HRG: variants seen among roughly 807,000 people sequenced by gnomAD.
The protein encoded by HRG is histidine-rich glycoprotein.
In HRG, 26 loss-of-function variants were observed where a neutral mutation model predicts 29.5. The observed-to-expected ratio is 0.88, with a 90% CI of 0.65 to 1.22. The LOEUF (loss-of-function observed/expected upper bound fraction) is 1.22, where lower values mean the gene tolerates loss of function less well. HRG is among the 50% of genes most tolerant of loss of function. HRG has a pLI of 0.00. For synonymous variants in HRG, 243 were observed against 240.4 expected (o/e 1.01, Z -0.10); for missense variants, 671 against 654.5 (o/e 1.03, Z -0.28).
chr3:186,671,724 T>C lies in HRG; in HGVS notation c.493T>C (p.Tyr165His). Residue 165 changes from tyrosine (Y) to histidine (H), a missense_variant, in exon 4 of 7, where the codon TAC (tyrosine) becomes CAC (histidine). Physicochemically the swap from Tyr to His is moderately conservative, Grantham distance 83. Coordinates refer to ENST00000232003, the MANE Select transcript of HRG (RefSeq NM_000412.5). Reference protein sequence around the residue: ...RKQANKALEKYKEENDDFASF... With the variant: ...RKQANKALEKHKEENDDFASF... ...ACAAGCCAACAAAGCCCTTGAGAAG[T>C]ACAAAGAGGAGAATGATGACTTTGC... is the stretch of plus-strand genomic sequence containing the variant. 6.2e-6 allele frequency: 10 copies of C among 1,613,766 alleles called. No homozygotes were observed. The highest frequency in any genetic ancestry group is 8.5e-6 in the Non-Finnish European group (10 of 1,179,856).
At chr3:186,667,621 G>A (rs958608439) in intron 1 of HRG, among the ~76,000 whole-genome samples, 8 of 152,080 alleles carry the variant, frequency 5.3e-5, no homozygotes, top group African/African-American at 1.9e-4. Context: ...GGCTTCTGCT[G>A]TGTAATGATG....
At chr3:186,666,292 T>C (rs2108570502) in intron 1 of HRG, 78 bp downstream of exon 1, 1 of 1,433,578 alleles carries the variant, frequency 7.0e-7, no homozygotes, top group East Asian at 2.3e-5. Flanking sequence ...CTAGGCTTAC[T>C]GCTTTGCACA....
chr3:186,677,297 C>G lies in HRG; in HGVS notation c.992C>G (p.Thr331Ser), dbSNP rs1448398059. Residue 331 changes from threonine (T) to serine (S), a missense_variant, in exon 7 of 7, where the codon ACT becomes AGT. Coordinates refer to ENST00000232003, the MANE Select transcript of HRG (RefSeq NM_000412.5). ...PMSCSSCQHA[T>S]FGTNGAQRHS... Reference sequence around the variant, plus strand: ...TCCTGCTCAAGTTGTCAACATGCCACTTTTGGCACAAATGGGGCCCAAAGA... The same window carrying G: ...TCCTGCTCAAGTTGTCAACATGCCAGTTTTGGCACAAATGGGGCCCAAAGA... The G allele has an allele frequency of 4.3e-6, 7 of 1,614,140 alleles. No homozygotes were observed. The highest frequency in any genetic ancestry group is 1.7e-5 in the Admixed American group (1 of 60,018).
chr3:186,669,567 T>C, intron 2 of HRG: 1 of 366,366 alleles, frequency 2.7e-6, no homozygotes, highest in Non-Finnish European at 5.2e-6. Context: ...GGTATTGACA[T>C]GCCAGGCTCT....
Position 186,677,229 on chromosome 3 carries a change from T to C in HRG, c.924T>C (p.His308=). 4 of 1,614,074 alleles carry C rather than the reference T, an allele frequency of 2.5e-6. No homozygotes were observed. Among genetic ancestry groups the C allele is most frequent in the Non-Finnish European group, 3.4e-6 (4 of 1,180,014 alleles). The change falls in exon 7 of 7, where the codon CAT becomes CAC. Residue 308 remains histidine, a synonymous_variant. Coordinates refer to ENST00000232003, the MANE Select transcript of HRG (RefSeq NM_000412.5). ...PPPPDERDHS[H]GPPLPQGPPP... is the part of the protein sequence containing the mutation. ...CTCCAGATGAAAGAGATCACTCACA[T>C]GGACCCCCACTTCCACAAGGCCCTC... is the stretch of plus-strand genomic sequence containing the variant.
chr3:186,672,885 C>G lies in HRG; in HGVS notation c.639+18C>G. 6.6e-7 allele frequency: 1 copy of G among 1,512,970 alleles called. No homozygotes were observed. The highest frequency in any genetic ancestry group is 9.2e-7 in the Non-Finnish European group (1 of 1,089,072). 93.7% of individuals were successfully genotyped at this position (1,512,970 alleles called of 1,614,324 possible). ...ACCCCAATGTGAGTATAAGAAATGT[C>G]TGTGATCGTTGACTAGAGTCACAGA... is the stretch of plus-strand genomic sequence containing the variant. On this transcript the variant is annotated intron_variant, in intron 5 of 6. Coordinates refer to ENST00000232003, the MANE Select transcript of HRG (RefSeq NM_000412.5).
At chr3:186,666,923 A>AT (rs1718629908) in intron 1 of HRG, 1 of 149,088 alleles carries the variant, frequency 6.7e-6, no homozygotes, top group Non-Finnish European at 1.5e-5. Context: ...AAAAAAAAAA[A>AT]AGAAGAAGAA....
chr3:186,669,975 C>T lies in HRG; in HGVS notation c.338C>T (p.Ser113Phe), dbSNP rs2108574588. The change falls in exon 3 of 7, where the codon TCC becomes TTC. Residue 113 changes from serine to phenylalanine, a missense_variant. Ser to Phe is a radical substitution (Grantham distance 155). Coordinates refer to ENST00000232003, the MANE Select transcript of HRG (RefSeq NM_000412.5). The stretch of plus-strand genomic sequence containing the variant: ...TGTAAGGTAATAGCTACAAGACATT[C>T]CCATGAATCTCAGGACCTCAGAGTG... ...GQCKVIATRH[S>F]HESQDLRVID... is the part of the protein sequence containing the mutation. 2 of 1,601,378 alleles carry T rather than the reference C, an allele frequency of 1.2e-6. No individual in the cohort carries two copies. The highest frequency in any genetic ancestry group is 1.7e-6 in the Non-Finnish European group (2 of 1,170,182).
rs1015656776 is a variant in HRG at position 186,668,979 on chromosome 3, G to A, written c.228G>A (p.Ser76=). 3.8e-5 allele frequency: 62 copies of A among 1,612,232 alleles called. No homozygotes were observed. The highest frequency in any genetic ancestry group is 1.6e-4 in the Middle Eastern group (1 of 6,082). Residue 76 remains serine (S), a synonymous_variant, in exon 2 of 7, where the codon TCG becomes TCA. Transcript: ENST00000232003. ...ACTTAGTCTTAGATGTGCAAGAATC[G>A]GACTGTTCGGTCCTATCCAGGAAAT... is the stretch of plus-strand genomic sequence containing the variant. ...VYYLVLDVQE[S]DCSVLSRKYW...
chr3:186,677,224 T>C lies in HRG; in HGVS notation c.919T>C (p.Ser307Pro). 6.2e-7 allele frequency: 1 copy of C among 1,613,936 alleles called. No individual in the cohort carries two copies. Among genetic ancestry groups the C allele is most frequent in the South Asian group, 1.1e-5 (1 of 91,062 alleles). The change falls in exon 7 of 7, where the codon TCA becomes CCA. Residue 307 changes from serine (S) to proline (P), a missense_variant. By Grantham distance (74) the Ser-to-Pro change is moderately conservative. Coordinates refer to ENST00000232003, the MANE Select transcript of HRG (RefSeq NM_000412.5). ...ACCTCCTCCAGATGAAAGAGATCACTCACATGGACCCCCACTTCCACAAGG... is the reference window on the plus strand; with the variant it reads ...ACCTCCTCCAGATGAAAGAGATCACCCACATGGACCCCCACTTCCACAAGG... ...PPPPPDERDH[S>P]HGPPLPQGPP... is the part of the protein sequence containing the mutation.
rs943877554 is a variant in HRG at position 186,668,748 on chromosome 3, T to C, written c.184-187T>C. ...ACAAATCAGGACCACTTAAAAAGAT[T>C]TGGAAATAACTCATTGAAGCTATGT... On this transcript the variant is annotated intron_variant, in intron 1 of 6. Coordinates refer to ENST00000232003, the MANE Select transcript of HRG (RefSeq NM_000412.5). 10 of 579,202 alleles carry C rather than the reference T, an allele frequency of 1.7e-5. No individual in the cohort carries two copies. In the South Asian group the frequency reaches 2.1e-4, roughly 12 times the overall value. The allele number at this position is 579,202 out of a possible 1,614,324, so 35.9% of individuals were successfully genotyped here. A position where few individuals can be genotyped will look rare whatever the true frequency, so the allele number is the denominator to read the frequency against.
At chr3:186,669,209 G>A (rs577240897) in intron 2 of HRG, among the ~76,000 whole-genome samples, 158 bp downstream of exon 2, 1 of 152,236 alleles carries the variant, frequency 6.6e-6, no homozygotes. Context: ...ATACTCTTGA[G>A]AGTCTTTCCT....
chr3:186,677,305 A>G lies in HRG; in HGVS notation c.1000A>G (p.Thr334Ala), dbSNP rs1026472093. 4 of 1,614,136 alleles carry G rather than the reference A, an allele frequency of 2.5e-6. No individual in the cohort carries two copies. Among genetic ancestry groups the G allele is most frequent in the Non-Finnish European group, 3.4e-6 (4 of 1,180,022 alleles). Residue 334 changes from threonine to alanine, a missense_variant, in exon 7 of 7, where the codon ACA becomes GCA. Transcript: ENST00000232003. ...CSSCQHATFG[T>A]NGAQRHSHNN... is the part of the protein sequence containing the mutation. ...AAGTTGTCAACATGCCACTTTTGGC[A>G]CAAATGGGGCCCAAAGACATTCTCA...
At chr3:186,669,601 G>A in intron 2 of HRG, 1 of 388,604 alleles carries the variant, frequency 2.6e-6, no homozygotes, top group East Asian at 6.2e-5. Flanking sequence ...AGAACATGAA[G>A]ATGAATAAGC....
In HRG at chr3:186,677,518, C is replaced by A; in HGVS notation, c.1213C>A (p.His405Asn). ...CCATGGACACCATCCCCATGGACACCATCCCCACTGCCATGATTTCCAAGA... is the reference window on the plus strand; with the variant it reads ...CCATGGACACCATCCCCATGGACACAATCCCCACTGCCATGATTTCCAAGA... ...HPHGHHPHGH[H>N]PHCHDFQDYG... Residue 405 changes from histidine to asparagine, a missense_variant, in exon 7 of 7, where the codon CAT becomes AAT. Transcript: ENST00000232003. 6.2e-7 allele frequency: 1 copy of A among 1,608,864 alleles called. No homozygotes were observed. The highest frequency in any genetic ancestry group is 2.2e-5 in the East Asian group (1 of 44,578).
At chr3:186,666,238 C>G (rs1718606855) in intron 1 of HRG, 24 bp downstream of exon 1, 3 of 1,611,932 alleles carry the variant, frequency 1.9e-6, no homozygotes, top group Admixed American at 3.3e-5. Context: ...AATGGCAGAG[C>G]TGAGTTGGGA....
At chr3:186,668,898 C>A in intron 1 of HRG, 37 bp from the exon 2 acceptor site, 1 of 1,115,778 alleles carries the variant, frequency 9.0e-7, no homozygotes, top group Non-Finnish European at 1.4e-6. Context: ...GCTAGGTTTC[C>A]ATGTGCTACT....
At chr3:186,674,470 T>A (rs549281734) in intron 5 of HRG, 2 of 162,534 alleles carry the variant, frequency 1.2e-5, no homozygotes, top group Admixed American at 5.6e-5. Flanking sequence ...ATTCCCAAAC[T>A]GTACTCAGAA....
chr3:186,675,305 G>GAC (rs1281104014), intron 6 of HRG, 115 bp downstream of exon 6: 1 of 519,352 alleles, frequency 1.9e-6, no homozygotes, highest in Non-Finnish European at 3.5e-6. Flanking sequence ...GTGTGTGTGT[G>GAC]TGTGAGAGAG....
Sources: allele counts gnomAD v4.1 joint callset (sites outside exome capture counted in the v4.1 genomes callset), GRCh38; gene constraint gnomAD v4.1.1; transcripts MANE v1.5; gene names NCBI Gene and HGNC (gene_info 2026-07-23, HGNC 2026-07-21).